SPG11: variants seen among roughly 807,000 people sequenced by gnomAD.
SPG11 encodes spatacsin.
In SPG11, 222 loss-of-function variants were observed where a neutral mutation model predicts 274.0. The observed-to-expected ratio is 0.81, with a 90% CI of 0.73 to 0.91. The LOEUF is 0.91. Among genes scored for constraint, SPG11 ranks in the 40% least tolerant of loss-of-function variants. The pLI is 0.00. For synonymous variants in SPG11, 1,144 were observed against 1,039.7 expected (o/e 1.10, Z -1.93); for missense variants, 3,114 against 2,872.7 (o/e 1.08, Z -1.92).
intron 7 of SPG11, among the ~76,000 whole-genome samples, chr15:44,639,094 A>C (rs1200056135): frequency 6.6e-6 from 1 of 152,196 alleles, no homozygotes; most frequent in Non-Finnish European, 1.5e-5. Flanking sequence ...ATAAAAATGT[A>C]ATAATGTGGT....
At chr15:44,570,892 G>A (rs1165302467) in intron 33 of SPG11, among the ~76,000 whole-genome samples, 1 of 152,126 alleles carries the variant, frequency 6.6e-6, no homozygotes, top group African/African-American at 2.4e-5. Context: ...ATCATGTAGT[G>A]ACTGTTTCCC....
At chr15:44,600,702 A>C in intron 20 of SPG11, 70 bp from the exon 21 acceptor site, 1 of 1,502,344 alleles carries the variant, frequency 6.7e-7, no homozygotes, top group Non-Finnish European at 9.2e-7. Context: ...TGCACATGGA[A>C]CTCTCTAATG....
At chr15:44,566,086 T>G (rs2140913972) in intron 37 of SPG11, 77 bp from the exon 38 acceptor site, 1 of 1,598,726 alleles carries the variant, frequency 6.3e-7, no homozygotes, top group South Asian at 1.1e-5. Flanking sequence ...ACAACGGTAT[T>G]CACCCCTTCT....
chr15:44,596,659 TCA>T, intron 24 of SPG11, 123 bp downstream of exon 24: 2 of 510,884 alleles, frequency 3.9e-6, no homozygotes, highest in Non-Finnish European at 6.2e-6. Flanking sequence ...CGTATCCTGG[TCA>T]AAAAAAAAAA....
chr15:44,592,058 C>T (rs1405632460), intron 27 of SPG11, among the ~76,000 whole-genome samples: 7 of 148,896 alleles, frequency 4.7e-5, no homozygotes, highest in Non-Finnish European at 7.4e-5. Flanking sequence ...TTACAGTGAG[C>T]GGAGATCATG....
chr15:44,633,324 CAAAAAAAAAAAAAAAAAAAAAAA>C (rs531787427), intron 8 of SPG11, 158 bp downstream of exon 8: 704 of 108,742 alleles, frequency 6.5e-3, no homozygotes, highest in Admixed American at 0.01. Flanking sequence ...GACTCTGTCT[CAAAAAAAAAAAAAAAAAAAAAAA>C]AAAAAAAAAA....
chr15:44,629,415 TAAAG>T, intron 8 of SPG11, 27 bp from the exon 9 acceptor site: 2 of 1,607,922 alleles, frequency 1.2e-6, no homozygotes, highest in South Asian at 2.2e-5. Flanking sequence ...GAAATTAACA[TAAAG>T]AACACCAGGA....
At chr15:44,579,311 A>G (rs1287408655) in intron 30 of SPG11, among the ~76,000 whole-genome samples, 1 of 150,486 alleles carries the variant, frequency 6.6e-6, no homozygotes, top group Non-Finnish European at 1.5e-5. Flanking sequence ...GATCACCTGC[A>G]GTCAGGCGTT....
At position 44,613,500 on chromosome 15, in the gene SPG11, T is replaced by C; in HGVS notation, c.3075A>G (p.Lys1025=). The C allele has an allele frequency of 2.5e-6, 4 of 1,609,644 alleles. No individual in the cohort carries two copies. Among genetic ancestry groups the C allele is most frequent in the Non-Finnish European group, 3.4e-6 (4 of 1,176,724 alleles). The part of the protein sequence containing the change: ...SPENCPFLEK[K]ELHEAHPWFE... ...ACCAAGGGTGTGCTTCATGTAACTCTTTTTTTTCCAAAAAGGGACAATTTT... is the reference window on the plus strand; with the variant it reads ...ACCAAGGGTGTGCTTCATGTAACTCCTTTTTTTCCAAAAAGGGACAATTTT... The change falls in exon 17 of 40, where the codon AAA becomes AAG. Residue 1025 remains lysine (K), a synonymous_variant. Coordinates refer to ENST00000261866, the MANE Select transcript of SPG11 (RefSeq NM_025137.4).
At position 44,572,704 on chromosome 15, in the gene SPG11, G is replaced by T; in HGVS notation, c.6322C>A (p.Pro2108Thr). 6.2e-7 allele frequency: 1 copy of T among 1,614,166 alleles called. No homozygotes were observed. Among genetic ancestry groups the T allele is most frequent in the African/African-American group, 1.3e-5 (1 of 75,046 alleles). ...MKLLDKISSV[P>T]HGELSCTTEL... ...TTACTGCAAGACAGTTCCCCATGGGGAACGGAGGAAATCTTATCCAACAAC... is the reference window on the plus strand; with the variant it reads ...TTACTGCAAGACAGTTCCCCATGGGTAACGGAGGAAATCTTATCCAACAAC... The change falls in exon 33 of 40, where the codon CCC becomes ACC. Residue 2108 changes from proline to threonine, a missense_variant. Physicochemically the swap from Pro to Thr is conservative, Grantham distance 38. Coordinates refer to ENST00000261866, the MANE Select transcript of SPG11 (RefSeq NM_025137.4).
chr15:44,629,102 TACACACTG>T, intron 9 of SPG11, 123 bp downstream of exon 9: 1 of 1,098,796 alleles, frequency 9.1e-7, no homozygotes, highest in East Asian at 2.4e-5. Flanking sequence ...CTTACTCAAC[TACACACTG>T]ACCTTACCCA....
At chr15:44,617,228 C>A (rs1595885646) in intron 15 of SPG11, among the ~76,000 whole-genome samples, 1 of 152,366 alleles carries the variant, frequency 6.6e-6, no homozygotes, top group Non-Finnish European at 1.5e-5. Flanking sequence ...TGCCAGGCAG[C>A]TCTCTTGGTC....
At chr15:44,650,447 C>T (rs2084734953) in intron 6 of SPG11, among the ~76,000 whole-genome samples, 1 of 151,748 alleles carries the variant, frequency 6.6e-6, no homozygotes, top group Non-Finnish European at 1.5e-5. Flanking sequence ...TGAGGTCAGG[C>T]GTTTCAGACC....
At chr15:44,564,165 G>GTATT (rs1308231199) in intron 39 of SPG11, among the ~76,000 whole-genome samples, 1 of 151,964 alleles carries the variant, frequency 6.6e-6, no homozygotes, top group Non-Finnish European at 1.5e-5. Flanking sequence ...GCTAATTTTT[G>GTATT]TATTTTTAGT....
Position 44,596,810 on chromosome 15 carries a change from G to A in SPG11, c.4135C>T (p.Gln1379Ter), listed in dbSNP as rs1375586646. 6.2e-7 allele frequency: 1 copy of A among 1,613,970 alleles called. No homozygotes were observed. Among genetic ancestry groups the A allele is most frequent in the Non-Finnish European group, 8.5e-7 (1 of 1,180,016 alleles). Residue 1379 changes from glutamine to a stop codon, truncating the protein, a stop_gained, in exon 24 of 40, where the codon CAA (glutamine) becomes TAA (stop). Coordinates refer to ENST00000261866, the MANE Select transcript of SPG11 (RefSeq NM_025137.4). LOFTEE classifies it high-confidence loss of function. Reference protein sequence around the residue: ...NDWLQFIIHSQLHNYHPAEVK... With the variant: ...NDWLQFIIHS ...TCTGCTGGGTGGTAGTTGTGGAGTT[G>A]GCTGTGAATAATGAACTGCAGCCAA...
chr15:44,632,981 G>A (rs1233206827), intron 8 of SPG11, among the ~76,000 whole-genome samples: 5 of 152,120 alleles, frequency 3.3e-5, no homozygotes. Flanking sequence ...ACAGAGTACA[G>A]TAAAAGATAT....
At chr15:44,628,320 A>G (rs2083960421) in intron 10 of SPG11, among the ~76,000 whole-genome samples, 1 of 152,240 alleles carries the variant, frequency 6.6e-6, no homozygotes, top group African/African-American at 2.4e-5. Flanking sequence ...AATTCAATTT[A>G]TCCAGTCAGG....
chr15:44,602,743 A>G (rs1436074747), intron 20 of SPG11, among the ~76,000 whole-genome samples: 1 of 151,896 alleles, frequency 6.6e-6, no homozygotes, highest in Non-Finnish European at 1.5e-5. Context: ...CGGCCTCCCA[A>G]AGTGCTGGGA....
intron 8 of SPG11, 25 bp from the exon 9 acceptor site, chr15:44,629,413 CAT>C (rs775978205): frequency 6.2e-7 from 1 of 1,608,416 alleles, no homozygotes; most frequent in Non-Finnish European, 8.5e-7. Context: ...AAGAAATTAA[CAT>C]AAAGAACACC....
Sources: allele counts gnomAD v4.1 joint callset (sites outside exome capture counted in the v4.1 genomes callset), GRCh38; gene constraint gnomAD v4.1.1; transcripts MANE v1.5; gene names NCBI Gene and HGNC (gene_info 2026-07-23, HGNC 2026-07-21).